The following CMTM8 variants were observed in gnomAD, a reference collection of about 807,000 sequenced individuals.
The protein encoded by CMTM8 is CKLF-like MARVEL transmembrane domain-containing protein 8.
A neutral mutation model predicts 18.6 loss-of-function variants in CMTM8; 12 were observed. The observed-to-expected ratio is 0.65, with a 90% CI of 0.41 to 1.05. The LOEUF is 1.05. Ranked by LOEUF, CMTM8 falls within the 50% of genes least tolerant of loss-of-function variation. The pLI, the probability that CMTM8 is intolerant of heterozygous loss-of-function variation, is 0.00. For missense variants in CMTM8, 217 were observed against 227.2 expected, an observed-to-expected ratio of 0.95 and a Z score of 0.29; for synonymous variants, 87 against 90.6, an observed-to-expected ratio of 0.96 and a Z score of 0.23.
At chr3:32,265,929 C>G (rs1287523759) in intron 1 of CMTM8, among the ~76,000 whole-genome samples, 1 of 148,414 alleles carries the variant, frequency 6.7e-6, no homozygotes, top group South Asian at 2.1e-4. Flanking sequence ...CTGAATAGAC[C>G]AATAACAGGC....
intron 1 of CMTM8, among the ~76,000 whole-genome samples, chr3:32,257,496 T>G (rs1262223077): frequency 6.6e-6 from 1 of 152,216 alleles, no homozygotes; most frequent in Non-Finnish European, 1.5e-5. Flanking sequence ...TTGCAAATAG[T>G]GTAATTTTCT....
intron 1 of CMTM8, among the ~76,000 whole-genome samples, chr3:32,307,475 G>A (rs1028908127): frequency 6.6e-6 from 1 of 152,198 alleles, no homozygotes; most frequent in Admixed American, 6.5e-5. Flanking sequence ...TGCTGGGAAT[G>A]AGGGAGAAAG....
chr3:32,332,928 A>C (rs1250790809), intron 1 of CMTM8, among the ~76,000 whole-genome samples: 1 of 152,118 alleles, frequency 6.6e-6, no homozygotes, highest in East Asian at 1.9e-4. Flanking sequence ...CGTTATTAAT[A>C]TGTGTTTGAT....
chr3:32,272,472 A>G (rs751179014), intron 1 of CMTM8, among the ~76,000 whole-genome samples: 2 of 152,140 alleles, frequency 1.3e-5, no homozygotes, highest in Non-Finnish European at 2.9e-5. Flanking sequence ...CTTAGACTCT[A>G]TCTTCCATGT....
At chr3:32,285,958 T>C (rs1204887530) in intron 1 of CMTM8, among the ~76,000 whole-genome samples, 3 of 152,230 alleles carry the variant, frequency 2.0e-5, no homozygotes, top group Non-Finnish European at 4.4e-5. Flanking sequence ...CACAGGTGAC[T>C]TAAATTCTCT....
At chr3:32,317,925 G>A (rs2125574908) in intron 1 of CMTM8, among the ~76,000 whole-genome samples, 1 of 151,986 alleles carries the variant, frequency 6.6e-6, no homozygotes, top group East Asian at 1.9e-4. Context: ...CATGGTTGTA[G>A]GCACCTGTAA....
intron 1 of CMTM8, among the ~76,000 whole-genome samples, chr3:32,270,240 C>A (rs529704416): frequency 4.6e-5 from 7 of 152,086 alleles, no homozygotes; most frequent in Admixed American, 1.3e-4. Context: ...AAATCATGTT[C>A]GAACAAGTAA....
At chr3:32,361,288 T>TTG (rs1553608174) in intron 2 of CMTM8, among the ~76,000 whole-genome samples, 6 of 147,194 alleles carry the variant, frequency 4.1e-5, no homozygotes, top group Non-Finnish European at 6.0e-5. Flanking sequence ...GCCTAAGAGT[T>TTG]TTTTTTTCTT....
rs549673174 is a variant in CMTM8 at position 32,311,012 on chromosome 3, T to C, written c.148-46361T>C. ...ACAGTTGTGGCATAGCCAACAATAC[T>C]GCACAGCAATGTAAATTACTAATGT... On this transcript the variant is annotated intron_variant, in intron 1 of 3. Coordinates refer to ENST00000307526, the MANE Select transcript of CMTM8 (RefSeq NM_178868.5). Among the ~76,000 whole-genome samples the C allele has an allele frequency of 1.6e-4, 24 of 152,338 alleles. No homozygotes were observed. The East Asian group carries it at 4.6e-3, about 29-fold the overall frequency.
chr3:32,273,027 C>A (rs189673428), intron 1 of CMTM8, among the ~76,000 whole-genome samples: 2 of 151,998 alleles, frequency 1.3e-5, no homozygotes, highest in East Asian at 1.9e-4. Context: ...TAGAGAAATA[C>A]AATCCAAAAT....
At chr3:32,336,334 G>A (rs1034685223) in intron 1 of CMTM8, among the ~76,000 whole-genome samples, 1 of 152,224 alleles carries the variant, frequency 6.6e-6, no homozygotes, top group Non-Finnish European at 1.5e-5. Context: ...AGTGGAGTCG[G>A]CACAAATCAA....
chr3:32,353,875 C>T (rs540138382), intron 1 of CMTM8, among the ~76,000 whole-genome samples: 1 of 150,380 alleles, frequency 6.6e-6, no homozygotes, highest in African/African-American at 2.4e-5. Context: ...GCCTCTGCCT[C>T]CTGGGTTCAA....
At chr3:32,315,081 A>G (rs943521375) in intron 1 of CMTM8, among the ~76,000 whole-genome samples, 1 of 151,750 alleles carries the variant, frequency 6.6e-6, no homozygotes, top group African/African-American at 2.4e-5. Flanking sequence ...GCTGTGGGGA[A>G]ACAAAGGTAA....
At position 32,350,444 on chromosome 3, in the gene CMTM8, G is replaced by A. The variant is rs563709374; in HGVS notation, c.148-6929G>A. Among the ~76,000 whole-genome samples, 241 of 147,990 alleles carry A rather than the reference G, an allele frequency of 1.6e-3. 4 individuals carry two copies. The highest frequency in any genetic ancestry group is 0.016 in the South Asian group (73 of 4,680). ...ATGATCTCAGCTCACTGCAACCTCC[G>A]CCTGCCAGGTTCAAGCAATTCTTCT... On this transcript the variant is annotated intron_variant, in intron 1 of 3. Coordinates refer to ENST00000307526, the MANE Select transcript of CMTM8 (RefSeq NM_178868.5).
intron 2 of CMTM8, among the ~76,000 whole-genome samples, chr3:32,364,644 G>A (rs1053744408): frequency 2.0e-5 from 3 of 152,208 alleles, no homozygotes; most frequent in African/African-American, 7.2e-5. Flanking sequence ...CTTCCCAAAT[G>A]TTCACTTAAA....
chr3:32,273,844 A>G (rs1175683049), intron 1 of CMTM8, among the ~76,000 whole-genome samples: 1 of 152,172 alleles, frequency 6.6e-6, no homozygotes, highest in Non-Finnish European at 1.5e-5. Context: ...TGATGTATGC[A>G]TTATATCTTG....
chr3:32,315,341 G>T (rs923908674), intron 1 of CMTM8, among the ~76,000 whole-genome samples: 1 of 152,040 alleles, frequency 6.6e-6, no homozygotes, highest in Non-Finnish European at 1.5e-5. Context: ...TGTTGGCCAG[G>T]CTGGTCTCGA....
At chr3:32,300,985 T>C (rs1038042626) in intron 1 of CMTM8, among the ~76,000 whole-genome samples, 1 of 152,076 alleles carries the variant, frequency 6.6e-6, no homozygotes, top group Non-Finnish European at 1.5e-5. Flanking sequence ...ATCTTTTAAT[T>C]TTTTTCAACC....
intron 1 of CMTM8, chr3:32,260,355 C>T: frequency 1.9e-6 from 1 of 532,284 alleles, no homozygotes; most frequent in Non-Finnish European, 3.3e-6. Context: ...TAATATTTTG[C>T]CTATATTTTT....
Sources: gnomAD v4.1 joint callset for allele counts (sites outside exome capture counted in the v4.1 genomes callset) on GRCh38, gnomAD v4.1.1 for gene constraint, MANE v1.5 for transcripts, NCBI Gene and HGNC (gene_info 2026-07-23, HGNC 2026-07-21) for gene names.